Variants in IAH1 observed in about 807,000 individuals in gnomAD.
IAH1 encodes isoamyl acetate-hydrolyzing esterase 1 homolog.
Under a neutral mutation model 26.7 loss-of-function variants are expected in IAH1, and 24 were observed. The ratio of observed to expected loss-of-function variants is 0.90; its 90% confidence interval spans 0.65 to 1.26. IAH1 has a LOEUF of 1.26. IAH1 is among the 50% of genes most tolerant of loss of function. The pLI, the probability that IAH1 is intolerant of heterozygous loss-of-function variation, is 0.00. For synonymous variants in IAH1, 140 were observed against 118.5 expected (o/e 1.18, Z -1.18); for missense variants, 300 against 299.9 (o/e 1.00, Z 0.00).
At chr2:9,501,174 G>A (rs1048927410), downstream of IAH1, among the ~76,000 whole-genome samples, 3 of 152,028 alleles carry the variant, frequency 2.0e-5, no homozygotes, top group Admixed American at 6.6e-5. Flanking sequence ...GCTATTCACA[G>A]GAGAAATCTG....
the IAH1 span, among the ~76,000 whole-genome samples, chr2:9,503,002 T>C: frequency 6.7e-6 from 1 of 150,022 alleles, no homozygotes; most frequent in African/African-American, 2.5e-5. Context: ...TAGCCGGGCA[T>C]GGTGCTACAT....
chr2:9,500,251 C>T (rs1010635702), downstream of IAH1, among the ~76,000 whole-genome samples: 3 of 152,180 alleles, frequency 2.0e-5, no homozygotes, highest in Non-Finnish European at 4.4e-5. Flanking sequence ...CTACAACATA[C>T]ATGAACCTTA....
chr2:9,492,356 G>A (rs1407099695), downstream of IAH1, among the ~76,000 whole-genome samples: 3 of 152,212 alleles, frequency 2.0e-5, no homozygotes, highest in Non-Finnish European at 4.4e-5. Flanking sequence ...AATTCAACTT[G>A]TAGCTGTTAC....
Position 9,476,000 on chromosome 2 carries a change from A to G in IAH1, c.95A>G (p.Gln32Arg). The G allele has an allele frequency of 1.9e-6, 3 of 1,613,792 alleles. No individual in the cohort carries two copies. The highest frequency in any genetic ancestry group is 2.5e-6 in the Non-Finnish European group (3 of 1,179,894). Residue 32 changes from glutamine (Q) to arginine (R), a missense_variant, in exon 2 of 6, where the codon CAG becomes CGG. Coordinates refer to ENST00000497473, the MANE Select transcript of IAH1 (RefSeq NM_001039613.3). ...TTCTTCCTCCAGTTTTCCTTCCAGC[A>G]GGGTGGATGGGGAGCATCGCTGGCT... ...GDSITQFSFQ[Q>R]GGWGASLADR...
intron 6 of IAH1, chr2:9,494,865 G>C (rs1307422586): frequency 6.9e-7 from 1 of 1,445,758 alleles, no homozygotes. Flanking sequence ...AAAGAGGTAA[G>C]AAATCACATT....
chr2:9,497,657 A>G (rs1233919407), downstream of IAH1, among the ~76,000 whole-genome samples: 2 of 152,212 alleles, frequency 1.3e-5, no homozygotes, highest in Non-Finnish European at 2.9e-5. Context: ...TGCTTTGGCT[A>G]TGACAACCTC....
chr2:9,498,205 CTTTTT>C (rs869073680), downstream of IAH1, among the ~76,000 whole-genome samples: 2 of 145,572 alleles, frequency 1.4e-5, no homozygotes, highest in African/African-American at 2.6e-5. Context: ...AATTTTCTTT[CTTTTT>C]TTTTGAGAGA....
Position 9,474,912 on chromosome 2 carries a change from CG to C in IAH1, c.81+266del. 1.4e-6 allele frequency: 1 copy of C among 706,208 alleles called. No individual in the cohort carries two copies. Among genetic ancestry groups the C allele is most frequent in the Non-Finnish European group, 1.9e-6 (1 of 535,942 alleles). 43.7% of individuals were successfully genotyped at this position (706,208 alleles called of 1,614,324 possible). ...GGGGACCCGGCCGCGCTGCCCGCCCCGCGCCGCCTCCCACCCGGGTCGAGAT... is the reference window on the plus strand; with the variant it reads ...GGGGACCCGGCCGCGCTGCCCGCCCCCGCCGCCTCCCACCCGGGTCGAGAT... On this transcript the variant is annotated intron_variant, in intron 1 of 5. Coordinates refer to ENST00000497473, the MANE Select transcript of IAH1 (RefSeq NM_001039613.3). This position sits in a 1 kb window ranked among gnomAD's most constrained non-coding sequence, Gnocchi z 4.3.
chr2:9,500,020 A>G (rs1662905780), downstream of IAH1, among the ~76,000 whole-genome samples: 1 of 152,356 alleles, frequency 6.6e-6, no homozygotes, highest in East Asian at 1.9e-4. Context: ...AAGATTAAGC[A>G]TAGTTACCAC....
At chr2:9,477,338 C>T (rs923973241) in intron 2 of IAH1, among the ~76,000 whole-genome samples, 5 of 152,130 alleles carry the variant, frequency 3.3e-5, no homozygotes, top group African/African-American at 1.2e-4. Flanking sequence ...TATTGATTTA[C>T]TAATCATAAG....
the IAH1 span, among the ~76,000 whole-genome samples, chr2:9,501,772 T>A: frequency 6.6e-6 from 1 of 152,324 alleles, no homozygotes; most frequent in South Asian, 2.1e-4. Context: ...CTTGTTATAT[T>A]ATCTGTAGCA....
downstream of IAH1, chr2:9,490,410 C>T (rs761025971): frequency 2.5e-6 from 4 of 1,614,104 alleles, no homozygotes; most frequent in South Asian, 4.4e-5. Context: ...GCTGCTGGCG[C>T]CGAAGGGATC....
At chr2:9,481,228 T>C in intron 3 of IAH1, 58 bp from the exon 4 acceptor site, 3 of 1,579,044 alleles carry the variant, frequency 1.9e-6, no homozygotes, top group Admixed American at 1.7e-5. Context: ...TGTGTTCACC[T>C]GAATTGTCAC....
chr2:9,483,471 C>G (rs1661300523), intron 4 of IAH1, among the ~76,000 whole-genome samples: 1 of 152,180 alleles, frequency 6.6e-6, no homozygotes, highest in South Asian at 2.1e-4. Context: ...ATTTTATAAA[C>G]AATTGATCCC....
downstream of IAH1, among the ~76,000 whole-genome samples, chr2:9,490,763 T>TA (rs1572870109): frequency 6.6e-6 from 1 of 151,486 alleles, no homozygotes; most frequent in South Asian, 2.1e-4. Context: ...CCTGAAAACT[T>TA]ACTTACCATT....
the IAH1 span, among the ~76,000 whole-genome samples, chr2:9,503,516 C>T: frequency 2.6e-5 from 4 of 152,122 alleles, no homozygotes; most frequent in Non-Finnish European, 4.4e-5. Flanking sequence ...AATCTTATAC[C>T]CTTGTTAAAT....
rs780082190 is a variant in IAH1 at position 9,474,571 on chromosome 2, C to T, written c.5C>T (p.Ala2Val). The T allele has an allele frequency of 5.9e-6, 9 of 1,513,862 alleles. No homozygotes were observed. The highest frequency in any genetic ancestry group is 6.2e-6 in the Non-Finnish European group (7 of 1,135,156). The allele number at this position is 1,513,862 out of a possible 1,614,324, so 93.8% of individuals were successfully genotyped here. Residue 2 changes from alanine to valine, a missense_variant, in exon 1 of 6, where the codon GCG (alanine) becomes GTG (valine). Transcript: ENST00000497473. The surrounding 1 kb of genome is among the most constrained non-coding windows in gnomAD (Gnocchi z 4.3). M[A>V]LCEAAGCGSA... The stretch of plus-strand genomic sequence containing the variant: ...CCCGCCCCGCCCGGCTGCTCCATGG[C>T]GCTGTGCGAGGCCGCGGGCTGCGGG...
Position 9,488,231 on chromosome 2 carries a change from G to T in IAH1, c.649G>T (p.Glu217Ter). The change falls in exon 6 of 6, where the codon GAG (glutamate) becomes TAG (stop). Residue 217 changes from glutamate to a stop codon, truncating the protein, a stop_gained. Transcript: ENST00000497473. LOFTEE classifies it high-confidence loss of function. ...FLFSHLWPLI[E>*]KKVSSLPLLL... ...GTTCTCGCATCTCTGGCCTTTGATA[G>T]AGAAAAAGGTCTCTTCTCTACCTTT... is the stretch of plus-strand genomic sequence containing the variant. 6.2e-7 allele frequency: 1 copy of T among 1,613,564 alleles called. No individual in the cohort carries two copies. The highest frequency in any genetic ancestry group is 1.1e-5 in the South Asian group (1 of 90,996).
intron 3 of IAH1, among the ~76,000 whole-genome samples, chr2:9,479,810 T>G (rs1311131927): frequency 1.2e-4 from 5 of 43,472 alleles, no homozygotes; most frequent in African/African-American, 3.7e-4. Flanking sequence ...TTTTTTTTTT[T>G]TTTTTTTTTT....
Sources: allele counts gnomAD v4.1 joint callset (sites outside exome capture counted in the v4.1 genomes callset), GRCh38; gene constraint gnomAD v4.1.1; non-coding constraint Gnocchi (gnomAD v3.1); transcripts MANE v1.5; gene names NCBI Gene and HGNC (gene_info 2026-07-23, HGNC 2026-07-21).